Variants in TESK2 observed in about 807,000 individuals in gnomAD.
TESK2 encodes the protein dual specificity testis-specific protein kinase 2.
In TESK2, 39 loss-of-function variants were observed where a neutral mutation model predicts 57.1. That is an observed-to-expected ratio of 0.68 (90% CI 0.53 to 0.89). The LOEUF (loss-of-function observed/expected upper bound fraction) is 0.89, where lower values mean the gene tolerates loss of function less well. Ranked by LOEUF, TESK2 falls within the 40% of genes least tolerant of loss-of-function variation. TESK2 has a pLI of 0.00. For synonymous variants in TESK2, 249 were observed against 267.9 expected (o/e 0.93, Z 0.69); for missense variants, 646 against 732.1 (o/e 0.88, Z 1.36).
chr1:45,430,426 G>A (rs539506502), intron 2 of TESK2, among the ~76,000 whole-genome samples: 2 of 152,340 alleles, frequency 1.3e-5, no homozygotes, highest in East Asian at 3.9e-4. Context: ...AGGAGATCAA[G>A]GCTACAGTGA....
intron 2 of TESK2, among the ~76,000 whole-genome samples, chr1:45,430,781 C>T (rs1650916818): frequency 6.6e-6 from 1 of 152,132 alleles, no homozygotes; most frequent in South Asian, 2.1e-4. Context: ...TTGAGCCAAG[C>T]CCCCAAGAAT....
chr1:45,422,334 C>T (rs1412415465), intron 2 of TESK2, among the ~76,000 whole-genome samples: 1 of 152,142 alleles, frequency 6.6e-6, no homozygotes, highest in African/African-American at 2.4e-5. Context: ...AGCAAACCAC[C>T]ATGGCACAAA....
chr1:45,482,437 A>T (rs1311561969), intron 1 of TESK2, among the ~76,000 whole-genome samples: 1 of 152,026 alleles, frequency 6.6e-6, no homozygotes, highest in Non-Finnish European at 1.5e-5. Context: ...CTGAGATGGG[A>T]GGATGGCTTG....
chr1:45,363,265 TC>T (rs1201635785), intron 4 of TESK2, among the ~76,000 whole-genome samples: 1 of 152,200 alleles, frequency 6.6e-6, no homozygotes, highest in Non-Finnish European at 1.5e-5. Context: ...AACTTATCAT[TC>T]TCACGCCTCC....
chr1:45,450,147 C>T (rs915310071), intron 2 of TESK2, among the ~76,000 whole-genome samples: 3 of 152,032 alleles, frequency 2.0e-5, no homozygotes, highest in Non-Finnish European at 4.4e-5. Flanking sequence ...AGGATAAATT[C>T]CGAATGGATC....
chr1:45,422,346 CTGCA>C (rs1650508806), intron 2 of TESK2, among the ~76,000 whole-genome samples: 1 of 152,098 alleles, frequency 6.6e-6, no homozygotes, highest in Non-Finnish European at 1.5e-5. Flanking sequence ...TGGCACAAAC[CTGCA>C]TGTTCTGCAC....
rs1194087170 is a variant in TESK2 at position 45,344,173 on chromosome 1, T to C, written c.*667A>G. The C allele has an allele frequency of 6.2e-6, 1 of 161,542 alleles. No individual in the cohort carries two copies. Among genetic ancestry groups the C allele is most frequent in the Non-Finnish European group, 1.4e-5 (1 of 72,818 alleles). The allele number at this position is 161,542 out of a possible 1,614,324, so 10.0% of individuals were successfully genotyped here. The stretch of plus-strand genomic sequence containing the variant: ...ACCAGCCCCACTCCCAACCACAAGG[T>C]TGAAAGTCTTATGGGGCAGAACATT... On this transcript the variant is annotated 3_prime_UTR_variant, in exon 11 of 11. Coordinates refer to ENST00000372086, the MANE Select transcript of TESK2 (RefSeq NM_007170.3).
At chr1:45,351,193 C>CT (rs1434082182) in intron 5 of TESK2, among the ~76,000 whole-genome samples, 4 of 152,220 alleles carry the variant, frequency 2.6e-5, no homozygotes, top group Non-Finnish European at 5.9e-5. Context: ...AGAGCCAAGG[C>CT]TCGGGTATGT....
At chr1:45,446,485 TA>T (rs917371626) in intron 2 of TESK2, among the ~76,000 whole-genome samples, 5 of 150,032 alleles carry the variant, frequency 3.3e-5, no homozygotes, top group African/African-American at 9.8e-5. Flanking sequence ...TAAATAAAAA[TA>T]AAAAAGAGGA....
intron 1 of TESK2, among the ~76,000 whole-genome samples, chr1:45,486,272 C>A (rs1048404283): frequency 4.6e-5 from 7 of 152,100 alleles, no homozygotes; most frequent in African/African-American, 1.7e-4. Flanking sequence ...CCCATAAATG[C>A]CTTTACCATA....
chr1:45,397,202 A>G (rs1649406530), intron 3 of TESK2, among the ~76,000 whole-genome samples: 2 of 152,172 alleles, frequency 1.3e-5, no homozygotes, highest in Admixed American at 6.5e-5. Context: ...TTTAATCCTC[A>G]TAATAACCCA....
At chr1:45,349,111 C>A (rs929246593) in intron 5 of TESK2, among the ~76,000 whole-genome samples, 1 of 151,380 alleles carries the variant, frequency 6.6e-6, no homozygotes, top group African/African-American at 2.4e-5. Flanking sequence ...AAGGCCCCAT[C>A]TGACCCAAAC....
intron 3 of TESK2, among the ~76,000 whole-genome samples, chr1:45,413,081 C>G (rs1360064382): frequency 5.3e-5 from 8 of 152,160 alleles, no homozygotes. Flanking sequence ...GGGCATAGAA[C>G]TGGGTTACAG....
Position 45,428,384 on chromosome 1 carries a change from T to C in TESK2, c.223-6538A>G, listed in dbSNP as rs141315270. Among the ~76,000 whole-genome samples the C allele has an allele frequency of 1.7e-4, 26 of 152,238 alleles. No homozygotes were observed. In the East Asian group the frequency reaches 4.6e-3, roughly 27 times the overall value. ...CAAGAAAAAAAGCACTGTGTGAACA[T>C]TGCATAAATATTCTACCAAGGGATA... On this transcript the variant is annotated intron_variant, in intron 2 of 10. Coordinates refer to ENST00000372086, the MANE Select transcript of TESK2 (RefSeq NM_007170.3).
chr1:45,370,085 G>T (rs1317825305), intron 4 of TESK2, among the ~76,000 whole-genome samples: 1 of 152,034 alleles, frequency 6.6e-6, no homozygotes, highest in African/African-American at 2.4e-5. Context: ...TAAAGAGGCA[G>T]GAAAACACAG....
intron 2 of TESK2, among the ~76,000 whole-genome samples, chr1:45,422,353 T>C (rs1650508969): frequency 6.6e-6 from 1 of 152,172 alleles, no homozygotes; most frequent in Non-Finnish European, 1.5e-5. Context: ...AACCTGCATG[T>C]TCTGCACATG....
At chr1:45,466,320 C>CA (rs1176983138) in intron 1 of TESK2, among the ~76,000 whole-genome samples, 3 of 151,926 alleles carry the variant, frequency 2.0e-5, no homozygotes, top group Non-Finnish European at 4.4e-5. Flanking sequence ...ACTAAAAATG[C>CA]AAAAAATATC....
chr1:45,382,380 A>G (rs1173725098), intron 4 of TESK2, among the ~76,000 whole-genome samples: 1 of 152,102 alleles, frequency 6.6e-6, no homozygotes, highest in African/African-American at 2.4e-5. Flanking sequence ...CTGGGACTAC[A>G]GGTGCATGCT....
intron 3 of TESK2, among the ~76,000 whole-genome samples, chr1:45,407,865 C>T (rs1401438109): frequency 6.6e-6 from 1 of 152,150 alleles, no homozygotes; most frequent in Non-Finnish European, 1.5e-5. Context: ...CTACTTCTTT[C>T]CAAAGCCTCC....
Sources: gnomAD v4.1 joint callset for allele counts (sites outside exome capture counted in the v4.1 genomes callset) on GRCh38, gnomAD v4.1.1 for gene constraint, MANE v1.5 for transcripts, NCBI Gene and HGNC (gene_info 2026-07-23, HGNC 2026-07-21) for gene names.